Variants in IKBKB observed in about 807,000 individuals in gnomAD.
The protein encoded by IKBKB is inhibitor of nuclear factor kappa-B kinase subunit beta.
Under a neutral mutation model 113.6 loss-of-function variants are expected in IKBKB, and 42 were observed. That is an observed-to-expected ratio of 0.37 (90% CI 0.29 to 0.48). IKBKB has a LOEUF of 0.48. Among genes scored for constraint, IKBKB ranks in the 20% least tolerant of loss-of-function variants. The pLI, the probability that IKBKB is intolerant of heterozygous loss-of-function variation, is 0.99. For synonymous variants in IKBKB, 296 were observed against 361.3 expected (o/e 0.82, Z 2.05); for missense variants, 673 against 939.7 (o/e 0.72, Z 3.71).
At chr8:42,329,779 A>G (rs1821451604) in intron 21 of IKBKB, 4 of 985,300 alleles carry the variant, frequency 4.1e-6, no homozygotes, top group Non-Finnish European at 4.8e-6. Context: ...GGTAGGTAGT[A>G]CTAGTTATGA....
intron 5 of IKBKB, among the ~76,000 whole-genome samples, chr8:42,300,281 A>T (rs1814903177): frequency 6.6e-6 from 1 of 152,128 alleles, no homozygotes; most frequent in Admixed American, 6.5e-5. Context: ...GGTTTTACTG[A>T]GGGAACGGAC....
At chr8:42,323,012 A>G (rs1820048638) in intron 19 of IKBKB, among the ~76,000 whole-genome samples, 1 of 152,082 alleles carries the variant, frequency 6.6e-6, no homozygotes, top group African/African-American at 2.4e-5. Context: ...TTGGGGAGGG[A>G]CTGTCCTTGC....
rs537380448 is a variant in IKBKB, at chr8:42,329,751, A to G, written c.2205+537A>G. The G allele has an allele frequency of 3.2e-5, 32 of 985,424 alleles. No homozygotes were observed. The East Asian group carries it at 2.7e-3, about 84-fold the overall frequency. 61.0% of individuals were successfully genotyped at this position (985,424 alleles called of 1,614,324 possible). A position where few individuals can be genotyped will look rare whatever the true frequency, so the allele number is the denominator to read the frequency against. On this transcript the variant is annotated intron_variant, in intron 21 of 21. Transcript: ENST00000520810. ...AGGAACCAGCCATGGCCTTGTCCTC[A>G]GGGCCTTGGAGCTTAGTGGTAGGTA...
At chr8:42,304,524 C>T (rs2130512707) in intron 5 of IKBKB, among the ~76,000 whole-genome samples, 1 of 152,264 alleles carries the variant, frequency 6.6e-6, no homozygotes, top group South Asian at 2.1e-4. Context: ...AGTTGGGGAT[C>T]ATGCCCCTTA....
chr8:42,327,632 C>A (rs1418443453), intron 20 of IKBKB, among the ~76,000 whole-genome samples: 1 of 122,852 alleles, frequency 8.1e-6, no homozygotes, highest in African/African-American at 3.1e-5. Flanking sequence ...TGCACCCAGC[C>A]TTTTTTTTTT....
intron 2 of IKBKB, among the ~76,000 whole-genome samples, chr8:42,286,997 C>G (rs369086448): frequency 6.6e-6 from 1 of 152,168 alleles, no homozygotes; most frequent in Non-Finnish European, 1.5e-5. Context: ...GTGGCAGGAT[C>G]GGCTCTCAGG....
chr8:42,288,817 C>G (rs1811966483), intron 3 of IKBKB, 89 bp downstream of exon 3: 1 of 1,043,044 alleles, frequency 9.6e-7, no homozygotes, highest in Admixed American at 2.1e-5. Context: ...GGGTGCGTGG[C>G]TCACGCCTGT....
At chr8:42,326,740 A>G (rs915170646) in intron 20 of IKBKB, among the ~76,000 whole-genome samples, 23 of 152,288 alleles carry the variant, frequency 1.5e-4, no homozygotes, top group African/African-American at 5.5e-4. Flanking sequence ...TCAAATTCTC[A>G]GGTCCTGCTG....
At chr8:42,320,902 T>G in intron 16 of IKBKB, 58 bp downstream of exon 16, 4 of 1,135,412 alleles carry the variant, frequency 3.5e-6, no homozygotes, top group Non-Finnish European at 5.0e-6. Flanking sequence ...CCCTGGAGCT[T>G]CGGTGTGTGT....
rs1317010997 is a variant in IKBKB, at chr8:42,318,761, C to T, written c.1364+86C>T. ...CACAGGGAGGTGGTTGAGGCAGGGA[C>T]CCAGAAGCAACCGTTATGAGCAACA... is the stretch of plus-strand genomic sequence containing the variant. On this transcript the variant is annotated intron_variant, in intron 13 of 21. Transcript: ENST00000520810. The T allele has an allele frequency of 3.1e-6, 4 of 1,307,876 alleles. No homozygotes were observed. The African/African-American group carries it at 4.5e-5, about 15-fold the overall frequency. 81.0% of individuals were successfully genotyped at this position (1,307,876 alleles called of 1,614,324 possible). A position where few individuals can be genotyped will look rare whatever the true frequency, so the allele number is the denominator to read the frequency against.
chr8:42,307,719 C>T (rs1443393519), intron 7 of IKBKB, among the ~76,000 whole-genome samples: 2 of 152,152 alleles, frequency 1.3e-5, no homozygotes, highest in African/African-American at 4.8e-5. Flanking sequence ...CTCCTCAGCT[C>T]AGCAGCAGTC....
intron 2 of IKBKB, among the ~76,000 whole-genome samples, chr8:42,277,755 G>A (rs914736700): frequency 6.6e-6 from 1 of 152,154 alleles, no homozygotes; most frequent in Non-Finnish European, 1.5e-5. Flanking sequence ...TTCCTGTGCC[G>A]CCCTTCCTGT....
chr8:42,307,244 A>T (rs1311956880), intron 7 of IKBKB, among the ~76,000 whole-genome samples: 1 of 152,202 alleles, frequency 6.6e-6, no homozygotes, highest in Non-Finnish European at 1.5e-5. Flanking sequence ...GATCACACAC[A>T]GGAAGACCTG....
rs569450888 is a variant in IKBKB, at chr8:42,272,015, C to T, written c.-18-68C>T. 1.0e-5 allele frequency: 15 copies of T among 1,491,056 alleles called. No homozygotes were observed. In the South Asian group the frequency reaches 1.6e-4, roughly 15 times the overall value. 92.4% of individuals were successfully genotyped at this position (1,491,056 alleles called of 1,614,324 possible). On this transcript the variant is annotated intron_variant, in intron 1 of 21. Transcript: ENST00000520810. The stretch of plus-strand genomic sequence containing the variant: ...CAAGAGCAGTGGTATCTCTTGCCTT[C>T]TCCATCCCTTTGAGCTCCATTTTTT...
intron 5 of IKBKB, chr8:42,297,997 T>C (rs1814259482): frequency 1.5e-6 from 1 of 662,114 alleles, no homozygotes; most frequent in Non-Finnish European, 1.9e-6. Context: ...TCCATGCTGA[T>C]AGGAGACCTG....
chr8:42,298,083 T>A (rs1439204728), intron 5 of IKBKB: 7 of 985,348 alleles, frequency 7.1e-6, no homozygotes, highest in Non-Finnish European at 8.4e-6. Flanking sequence ...GGAAGTTATA[T>A]GTGAGTGGAC....
At chr8:42,312,574 C>T (rs1817916201) in intron 8 of IKBKB, among the ~76,000 whole-genome samples, 1 of 152,168 alleles carries the variant, frequency 6.6e-6, no homozygotes, top group Non-Finnish European at 1.5e-5. Flanking sequence ...TATAAAGCCA[C>T]TTTGAAATAT....
chr8:42,311,734 A>C (rs1243112532), intron 8 of IKBKB, among the ~76,000 whole-genome samples: 1 of 152,314 alleles, frequency 6.6e-6, no homozygotes, highest in East Asian at 1.9e-4. Flanking sequence ...ATGCCCCACT[A>C]TGGTGACTTA....
Position 42,316,699 on chromosome 8 carries a change from T to A in IKBKB, c.931-11T>A. The A allele has an allele frequency of 6.2e-7, 1 of 1,606,704 alleles. No homozygotes were observed. The highest frequency in any genetic ancestry group is 8.5e-7 in the Non-Finnish European group (1 of 1,174,450). On this transcript the variant is annotated splice_polypyrimidine_tract_variant and intron_variant, in intron 10 of 21. Coordinates refer to ENST00000520810, the MANE Select transcript of IKBKB (RefSeq NM_001556.3). This position sits in a 1 kb window ranked among gnomAD's most constrained non-coding sequence, Gnocchi z 4.5. ...AATCGGTTTTCCAGTAACATCTGGG[T>A]TGTGTTGCAGCTGGTTCATATCTTG...
Sources: gnomAD v4.1 joint callset for allele counts (sites outside exome capture counted in the v4.1 genomes callset) on GRCh38, gnomAD v4.1.1 for gene constraint, Gnocchi (gnomAD v3.1) non-coding constraint, MANE v1.5 for transcripts, NCBI Gene and HGNC (gene_info 2026-07-23, HGNC 2026-07-21) for gene names.